Variants in SIRPB2 observed in about 807,000 individuals in gnomAD.
The protein encoded by SIRPB2 is signal regulatory protein beta 2, also known as signal-regulatory protein beta-2.
SIRPB2 carries 18 observed loss-of-function variants against 27.1 expected under a neutral mutation model. That is an observed-to-expected ratio of 0.66 (90% CI 0.46 to 0.98). The LOEUF is 0.98. Ranked by LOEUF, SIRPB2 falls within the 50% of genes least tolerant of loss-of-function variation. The probability of loss-of-function intolerance (pLI) is 0.00; values close to 1 mark genes in which losing one functional copy is unlikely to be tolerated. For synonymous variants in SIRPB2, 150 were observed against 164.6 expected, an observed-to-expected ratio of 0.91 and a Z score of 0.68; for missense variants, 420 against 417.4, an observed-to-expected ratio of 1.01 and a Z score of -0.06.
intron 1 of SIRPB2, among the ~76,000 whole-genome samples, chr20:1,490,341 A>T (rs1173493234): frequency 6.6e-6 from 1 of 152,144 alleles, no homozygotes; most frequent in South Asian, 2.1e-4. Flanking sequence ...AGGACCAAAG[A>T]TGTCATGGAC....
intron 4 of SIRPB2, 86 bp downstream of exon 4, chr20:1,477,252 G>A: frequency 6.2e-7 from 1 of 1,613,830 alleles, no homozygotes; most frequent in Non-Finnish European, 8.5e-7. Context: ...CAGGAGTCTG[G>A]GACTGCTCCC....
At position 1,479,850 on chromosome 20, in the gene SIRPB2, G is replaced by T. The variant is rs200805923; in HGVS notation, c.301C>A (p.Arg101=). Residue 101 remains arginine, a synonymous_variant, in exon 2 of 5, where the codon CGG becomes AGG. Transcript: ENST00000359801. ...SFPGVMPMIQ[R]TSEPLNCDYS... is the part of the protein sequence containing the mutation. ...TCACAATTCAGTGGTTCTGATGTCC[G>T]TTGGATCATGGGCATTACCCCAGGG... 6 of 1,614,100 alleles carry T rather than the reference G, an allele frequency of 3.7e-6. No homozygotes were observed. Among genetic ancestry groups the T allele is most frequent in the African/African-American group, 1.3e-5 (1 of 74,930 alleles).
intron 1 of SIRPB2, among the ~76,000 whole-genome samples, chr20:1,486,218 A>G (rs1171117359): frequency 1.3e-5 from 2 of 151,780 alleles, no homozygotes; most frequent in African/African-American, 4.8e-5. Context: ...GATTACAGGC[A>G]TGCACCACCA....
At chr20:1,488,787 AC>A (rs2090751282) in intron 1 of SIRPB2, among the ~76,000 whole-genome samples, 1 of 152,142 alleles carries the variant, frequency 6.6e-6, no homozygotes, top group Non-Finnish European at 1.5e-5. Flanking sequence ...GTAAAATGGT[AC>A]AACTCCTTTG....
rs1051216125 is a variant in SIRPB2 at position 1,474,938 on chromosome 20, A to AG, written c.*1228dup. 6.6e-6 allele frequency: 1 copy of AG among 152,292 alleles called. No individual in the cohort carries two copies. The highest frequency in any genetic ancestry group is 1.5e-5 in the Non-Finnish European group (1 of 68,118). The allele number at this position is 152,292 out of a possible 1,614,324, so 9.4% of individuals were successfully genotyped here. A position where few individuals can be genotyped will look rare whatever the true frequency, so the allele number is the denominator to read the frequency against. On this transcript the variant is annotated 3_prime_UTR_variant, in exon 5 of 5. Coordinates refer to ENST00000359801, the MANE Select transcript of SIRPB2 (RefSeq NM_001122962.2). ...GTATCCTGGATGTTCCGTGATGGGA[A>AG]GGGACTCTGATTAGTCACTGAGGGT...
intron 4 of SIRPB2, chr20:1,476,882 A>G (rs1050742754): frequency 7.8e-6 from 9 of 1,152,838 alleles, no homozygotes; most frequent in Admixed American, 4.3e-5. Context: ...CCTTGAGTGC[A>G]CACACAACCC....
At position 1,478,517 on chromosome 20, in the gene SIRPB2, G is replaced by T. The variant is rs1014231384; in HGVS notation, c.542C>A (p.Thr181Lys). 2 of 1,613,916 alleles carry T rather than the reference G, an allele frequency of 1.2e-6. No homozygotes were observed. The highest frequency in any genetic ancestry group is 2.7e-5 in the African/African-American group (2 of 74,916). The change falls in exon 3 of 5, where the codon ACA (threonine) becomes AAA (lysine). Residue 181 changes from threonine to lysine, a missense_variant. Transcript: ENST00000359801. Reference protein sequence around the residue: ...TTGDTVFLNCTVLGDGPPGPI... With the variant: ...TTGDTVFLNCKVLGDGPPGPI... ...TCCAGGGGGACCGTCTCCAAGCACTGTGCAGTTCAGAAAGACAGTGTCTCC... is the reference window on the plus strand; with the variant it reads ...TCCAGGGGGACCGTCTCCAAGCACTTTGCAGTTCAGAAAGACAGTGTCTCC...
chr20:1,472,422 A>G (rs1242175434), downstream of SIRPB2, among the ~76,000 whole-genome samples: 1 of 152,076 alleles, frequency 6.6e-6, no homozygotes, highest in Non-Finnish European at 1.5e-5. Flanking sequence ...GGATTTTACA[A>G]CTGAGTCTGT....
chr20:1,471,121 T>A (rs904241072), downstream of SIRPB2: 1 of 152,252 alleles, frequency 6.6e-6, no homozygotes, highest in Non-Finnish European at 1.5e-5. Flanking sequence ...AACTGAAGAT[T>A]CCCGCACTTC....
Position 1,475,764 on chromosome 20 carries a change from CAGATGGTCT to C in SIRPB2, c.*394_*402del. The C allele has an allele frequency of 1.2e-5, 2 of 162,382 alleles. No homozygotes were observed. Among genetic ancestry groups the C allele is most frequent in the South Asian group, 1.6e-4 (1 of 6,446 alleles). 10.1% of individuals were successfully genotyped at this position (162,382 alleles called of 1,614,324 possible). On this transcript the variant is annotated 3_prime_UTR_variant, in exon 5 of 5. Transcript: ENST00000359801. ...GGAGAAAGGTGTAGATGGAGGGGCA[CAGATGGTCT>C]GGCTGGTTGAGTTCAGAGATTCTTA...
At chr20:1,477,954 G>A (rs2090622900) in intron 3 of SIRPB2, 1 of 500,868 alleles carries the variant, frequency 2.0e-6, no homozygotes. Context: ...GATTACAAGA[G>A]TGAACTACGG....
At position 1,479,960 on chromosome 20, in the gene SIRPB2, C is replaced by T. The variant is rs767085563; in HGVS notation, c.191G>A (p.Gly64Asp). The change falls in exon 2 of 5, where the codon GGC becomes GAC. Residue 64 changes from glycine to aspartate, a missense_variant. Coordinates refer to ENST00000359801, the MANE Select transcript of SIRPB2 (RefSeq NM_001122962.2). ...ETLLLRCMVV[G>D]SCTDGMIKWV... is the part of the protein sequence containing the mutation. ...TTTTATCATACCATCAGTGCAGGAG[C>T]CGACCACCATACACCTCAGTAGAAG... 4 of 1,614,034 alleles carry T rather than the reference C, an allele frequency of 2.5e-6. No individual in the cohort carries two copies. The highest frequency in any genetic ancestry group is 1.1e-5 in the South Asian group (1 of 91,090).
intron 1 of SIRPB2, chr20:1,480,281 C>T (rs2090657350): frequency 1.7e-6 from 1 of 582,448 alleles, no homozygotes; most frequent in Non-Finnish European, 3.0e-6. Flanking sequence ...ATAAATAACA[C>T]TCAAGTGCTC....
intron 1 of SIRPB2, chr20:1,480,271 A>G (rs1568645877): frequency 1.6e-6 from 1 of 615,146 alleles, no homozygotes; most frequent in Non-Finnish European, 2.8e-6. Context: ...CCTACAAACA[A>G]TAAATAACAC....
chr20:1,478,133 C>A (rs2090625231), intron 3 of SIRPB2, 133 bp downstream of exon 3: 1 of 846,058 alleles, frequency 1.2e-6, no homozygotes. Context: ...AAGGAGAAAG[C>A]ATTCCAGGTA....
downstream of SIRPB2, chr20:1,470,962 C>G (rs1568638784): frequency 6.6e-6 from 1 of 152,222 alleles, no homozygotes; most frequent in Non-Finnish European, 1.5e-5. Flanking sequence ...TAAATAAACA[C>G]TGCTACTGCT....
chr20:1,486,800 T>G (rs577837786), intron 1 of SIRPB2, among the ~76,000 whole-genome samples: 21 of 152,236 alleles, frequency 1.4e-4, no homozygotes, highest in African/African-American at 5.1e-4. Context: ...ATAATAACTC[T>G]CAGCAAACTG....
In SIRPB2 at chr20:1,475,582, A is replaced by G. The variant is rs1599999629; in HGVS notation, c.*585T>C. The G allele has an allele frequency of 6.6e-6, 1 of 152,404 alleles. No homozygotes were observed. The highest frequency in any genetic ancestry group is 2.4e-5 in the African/African-American group (1 of 41,438). The allele number at this position is 152,404 out of a possible 1,614,324, so 9.4% of individuals were successfully genotyped here. On this transcript the variant is annotated 3_prime_UTR_variant, in exon 5 of 5. Coordinates refer to ENST00000359801, the MANE Select transcript of SIRPB2 (RefSeq NM_001122962.2). ...GGTCTCAATACCAGGGAGTCTCTGT[A>G]TTGCTTGGCCTGCTGATGGTCAACT...
At chr20:1,489,751 C>T (rs1025951812) in intron 1 of SIRPB2, among the ~76,000 whole-genome samples, 2 of 152,106 alleles carry the variant, frequency 1.3e-5, no homozygotes, top group African/African-American at 4.8e-5. Context: ...GTCTCCTCTA[C>T]TGCAAAATAG....
Sources: gnomAD v4.1 joint callset for allele counts (sites outside exome capture counted in the v4.1 genomes callset) on GRCh38, gnomAD v4.1.1 for gene constraint, MANE v1.5 for transcripts, NCBI Gene and HGNC (gene_info 2026-07-23, HGNC 2026-07-21) for gene names.